FCER1A: variants seen among roughly 807,000 people sequenced by gnomAD.
The protein encoded by FCER1A is high affinity immunoglobulin epsilon receptor subunit alpha.
In FCER1A, 24 loss-of-function variants were observed where a neutral mutation model predicts 23.6. That is an observed-to-expected ratio of 1.02 (90% CI 0.74 to 1.43). The LOEUF is 1.43. Ranked by LOEUF, FCER1A falls within the 40% of genes most tolerant of loss-of-function variation. The pLI is 0.00. For missense variants in FCER1A, 318 were observed against 294.5 expected (o/e 1.08, Z -0.58); for synonymous variants, 121 against 108.8 (o/e 1.11, Z -0.70).
At chr1:159,306,677 G>C (rs1040394370) in intron 4 of FCER1A, among the ~76,000 whole-genome samples, 3 of 152,152 alleles carry the variant, frequency 2.0e-5, no homozygotes, top group Non-Finnish European at 4.4e-5. Flanking sequence ...CAGCTTAGGA[G>C]GGCTGGGAAA....
chr1:159,301,225 G>A (rs1652422236), upstream of FCER1A, among the ~76,000 whole-genome samples: 1 of 152,096 alleles, frequency 6.6e-6, no homozygotes, highest in African/African-American at 2.4e-5. Flanking sequence ...CAGAGTTTTG[G>A]TAAAGATAAA....
intron 4 of FCER1A, 99 bp from the exon 5 acceptor site, chr1:159,307,649 A>ATC: frequency 1.2e-6 from 1 of 856,184 alleles, no homozygotes; most frequent in Non-Finnish European, 1.8e-6. Context: ...AATGAAGGAC[A>ATC]AAGCTTGGTC....
At chr1:159,294,313 C>A (rs1652239472) in intron 1 of FCER1A, among the ~76,000 whole-genome samples, 1 of 152,124 alleles carries the variant, frequency 6.6e-6, no homozygotes, top group Non-Finnish European at 1.5e-5. Flanking sequence ...AGACTTGGAA[C>A]CTTCTCTTAA....
At chr1:159,307,693 T>G (rs767054118) in intron 4 of FCER1A, 55 bp from the exon 5 acceptor site, 27 of 1,379,520 alleles carry the variant, frequency 2.0e-5, no homozygotes, top group Non-Finnish European at 2.5e-5. Context: ...CTGAACCTCA[T>G]TTTTCAGTTC....
chr1:159,287,244 C>A (rs930352003), upstream of FCER1A, among the ~76,000 whole-genome samples: 1 of 152,194 alleles, frequency 6.6e-6, no homozygotes, highest in African/African-American at 2.4e-5. Flanking sequence ...ACTCTCTTTT[C>A]TTCAGCCATG....
chr1:159,304,035 A>C lies in FCER1A; in HGVS notation c.184A>C (p.Thr62Pro). 6.2e-7 allele frequency: 1 copy of C among 1,614,138 alleles called. No individual in the cohort carries two copies. The highest frequency in any genetic ancestry group is 8.5e-7 in the Non-Finnish European group (1 of 1,179,966). The change falls in exon 3 of 5, where the codon ACC (threonine) becomes CCC (proline). Residue 62 changes from threonine to proline, a missense_variant. Coordinates refer to ENST00000693622, the MANE Select transcript of FCER1A (RefSeq NM_001387280.1). Reference protein sequence around the residue: ...NGNNFFEVSSTKWFHNGSLSE... With the variant: ...NGNNFFEVSSPKWFHNGSLSE... ...GAACAATTTCTTTGAAGTCAGTTCC[A>C]CCAAATGGTTCCACAATGGCAGCCT...
upstream of FCER1A, among the ~76,000 whole-genome samples, chr1:159,286,591 C>CA (rs1557964909): frequency 6.6e-6 from 1 of 152,196 alleles, no homozygotes; most frequent in East Asian, 1.9e-4. Flanking sequence ...CTTGGCCTCC[C>CA]AAAGTGCTGG....
rs147052382 is a variant in FCER1A at position 159,303,113 on chromosome 1, T to G, written c.76+239T>G. On this transcript the variant is annotated intron_variant, in intron 2 of 4. Coordinates refer to ENST00000693622, the MANE Select transcript of FCER1A (RefSeq NM_001387280.1). ...ACCATGTCTGTTGCACATATACATG[T>G]CTCATTCTCTCTCCTAGACACTTTG... 3.3e-4 allele frequency among the ~76,000 whole-genome samples: 51 copies of G among 152,284 alleles called. No homozygotes were observed. The Middle Eastern group carries it at 0.01, about 30-fold the overall frequency.
chr1:159,307,933 T>C lies in FCER1A; in HGVS notation c.*1T>C, dbSNP rs777728646. On this transcript the variant is annotated 3_prime_UTR_variant, in exon 5 of 5. Transcript: ENST00000693622. ...TAAGCCAAACCCCAAAAACAACTGA[T>C]ATAATTACTCAAGAAATATTTGCAA... 1.3e-6 allele frequency: 2 copies of C among 1,578,034 alleles called. No individual in the cohort carries two copies. Among genetic ancestry groups the C allele is most frequent in the Non-Finnish European group, 1.7e-6 (2 of 1,155,428 alleles).
chr1:159,298,616 C>G (rs1233063041), upstream of FCER1A, among the ~76,000 whole-genome samples: 1 of 152,188 alleles, frequency 6.6e-6, no homozygotes, highest in Non-Finnish European at 1.5e-5. Context: ...TGAGCAGAAA[C>G]TCCTGTTCAG....
At chr1:159,297,153 A>G (rs1462460102) in intron 1 of FCER1A, among the ~76,000 whole-genome samples, 1 of 152,100 alleles carries the variant, frequency 6.6e-6, no homozygotes, top group Non-Finnish European at 1.5e-5. Context: ...TTGAGGGCTG[A>G]CTCTGCACAA....
chr1:159,302,449 G>C, intron 1 of FCER1A, 30 bp downstream of exon 1: 1 of 1,515,414 alleles, frequency 6.6e-7, no homozygotes, highest in Non-Finnish European at 9.2e-7. Flanking sequence ...CCCCTCCCAG[G>C]GAGGCCCAAA....
chr1:159,293,710 A>G (rs1286354334), intron 1 of FCER1A, among the ~76,000 whole-genome samples: 1 of 151,840 alleles, frequency 6.6e-6, no homozygotes, highest in Non-Finnish European at 1.5e-5. Flanking sequence ...ATGTCCCTAC[A>G]AAGGACATGA....
chr1:159,284,998 TAA>T (rs936966147), upstream of FCER1A, among the ~76,000 whole-genome samples: 4 of 152,264 alleles, frequency 2.6e-5, no homozygotes, highest in African/African-American at 9.6e-5. Context: ...TGTAACTCGT[TAA>T]AAGTTTTTTT....
chr1:159,306,719 G>A (rs1652627723), intron 4 of FCER1A, among the ~76,000 whole-genome samples: 1 of 152,174 alleles, frequency 6.6e-6, no homozygotes, highest in Non-Finnish European at 1.5e-5. Context: ...CTGTGTGCCT[G>A]TGTATTGAGG....
rs375354855 is a variant in FCER1A at position 159,291,391 on chromosome 1, A to C, written c.-60+1638A>C. 8.7e-4 allele frequency among the ~76,000 whole-genome samples: 132 copies of C among 152,322 alleles called. 3 individuals carry two copies. The South Asian group carries it at 0.027, about 31-fold the overall frequency. ...TGGTAGAAATACTAATGTTTATGTT[A>C]CTGCTCTGATGGTAGGTTTTCATGA... On this transcript the variant is annotated intron_variant, in intron 1 of 5. Coordinates refer to the FCER1A transcript ENST00000368115.
intron 1 of FCER1A, among the ~76,000 whole-genome samples, chr1:159,293,150 A>G (rs1197491391): frequency 6.7e-6 from 1 of 148,150 alleles, no homozygotes; most frequent in African/African-American, 2.5e-5. Flanking sequence ...TAAGCAGGGG[A>G]ATATATATAC....
upstream of FCER1A, among the ~76,000 whole-genome samples, chr1:159,297,585 T>G (rs903338083): frequency 6.6e-6 from 1 of 152,220 alleles, no homozygotes; most frequent in Non-Finnish European, 1.5e-5. Flanking sequence ...GTGAGAAGGC[T>G]GAGGCAAAAA....
chr1:159,303,907 C>T, intron 2 of FCER1A, 21 bp from the exon 3 acceptor site: 1 of 1,594,494 alleles, frequency 6.3e-7, no homozygotes. Flanking sequence ...CATGTCTTTT[C>T]ATATTTTTAT....
Sources: gnomAD v4.1 joint callset for allele counts (sites outside exome capture counted in the v4.1 genomes callset) on GRCh38, gnomAD v4.1.1 for gene constraint, MANE v1.5 for transcripts, NCBI Gene and HGNC (gene_info 2026-07-23, HGNC 2026-07-21) for gene names.